Variants in ISOC1 observed in about 807,000 individuals in gnomAD.
The protein encoded by ISOC1 is isochorismatase domain-containing protein 1.
ISOC1 carries 33 observed loss-of-function variants against 30.0 expected under a neutral mutation model. The observed-to-expected ratio is 1.10, with a 90% confidence interval of 0.83 to 1.47. The LOEUF is 1.47. ISOC1 is among the 40% of genes most tolerant of loss of function. The probability of loss-of-function intolerance (pLI) is 0.00; values close to 1 mark genes in which losing one functional copy is unlikely to be tolerated. For missense variants in ISOC1, 372 were observed against 388.0 expected, an observed-to-expected ratio of 0.96 and a Z score of 0.35; for synonymous variants, 178 against 159.8, an observed-to-expected ratio of 1.11 and a Z score of -0.86.
chr5:129,112,815 C>T, intron 4 of ISOC1, 40 bp from the exon 5 acceptor site: 1 of 1,600,912 alleles, frequency 6.2e-7, no homozygotes, highest in Non-Finnish European at 8.5e-7. Context: ...TGTTCATTCT[C>T]ATGCTTATTT....
intron 1 of ISOC1, among the ~76,000 whole-genome samples, chr5:129,101,178 A>ATATATATATAT (rs1487163668): frequency 3.7e-5 from 4 of 108,190 alleles, no homozygotes; most frequent in African/African-American, 1.9e-4. Context: ...AAAAAAAAAA[A>ATATATATATAT]AAAAAAAAAA....
chr5:129,104,836 G>A (rs565337024), intron 1 of ISOC1, 120 bp from the exon 2 acceptor site: 22 of 878,940 alleles, frequency 2.5e-5, no homozygotes, highest in East Asian at 1.6e-4. Context: ...GGATAATAGC[G>A]GTAGAAATTG....
At chr5:129,096,076 T>C (rs1484984150) in intron 1 of ISOC1, among the ~76,000 whole-genome samples, 1 of 152,230 alleles carries the variant, frequency 6.6e-6, no homozygotes, top group Non-Finnish European at 1.5e-5. Context: ...TTTTAGTTTT[T>C]ATGGGCACAT....
At chr5:129,109,104 A>C (rs548254062) in intron 4 of ISOC1, among the ~76,000 whole-genome samples, 1 of 152,278 alleles carries the variant, frequency 6.6e-6, no homozygotes, top group South Asian at 2.1e-4. Flanking sequence ...TTAATGACAA[A>C]ATTTTGATTG....
chr5:129,108,670 C>T (rs1753667140), intron 4 of ISOC1, among the ~76,000 whole-genome samples: 1 of 152,098 alleles, frequency 6.6e-6, no homozygotes, highest in Admixed American at 6.6e-5. Flanking sequence ...TGCCACTGCA[C>T]CCGGCTAATT....
chr5:129,106,942 C>T lies in ISOC1; in HGVS notation c.634-4C>T. On this transcript the variant is annotated splice_polypyrimidine_tract_variant and splice_region_variant and intron_variant, in intron 3 of 4. Transcript: ENST00000173527. ...TACATATGATTCTTGTACTTTCCTACTAGACTCATGTGTGCATCCAACAAA... is the reference window on the plus strand; with the variant it reads ...TACATATGATTCTTGTACTTTCCTATTAGACTCATGTGTGCATCCAACAAA... 6.2e-7 allele frequency: 1 copy of T among 1,605,876 alleles called. No homozygotes were observed. The highest frequency in any genetic ancestry group is 8.5e-7 in the Non-Finnish European group (1 of 1,172,730).
intron 1 of ISOC1, among the ~76,000 whole-genome samples, chr5:129,098,423 A>G (rs1213627409): frequency 6.6e-6 from 1 of 152,260 alleles, no homozygotes; most frequent in Non-Finnish European, 1.5e-5. Flanking sequence ...GACACGGGAA[A>G]GAATATAAAT....
chr5:129,102,998 A>G (rs543570214), intron 1 of ISOC1, among the ~76,000 whole-genome samples: 1 of 152,138 alleles, frequency 6.6e-6, no homozygotes, highest in Admixed American at 6.5e-5. Flanking sequence ...CAGGAATTTT[A>G]TTTTTCAAAT....
chr5:129,095,941 A>G (rs1438056440), intron 1 of ISOC1, among the ~76,000 whole-genome samples: 1 of 152,224 alleles, frequency 6.6e-6, no homozygotes, highest in Non-Finnish European at 1.5e-5. Flanking sequence ...TAGGTAGTAC[A>G]CTGTCGATAT....
intron 1 of ISOC1, among the ~76,000 whole-genome samples, chr5:129,099,715 C>T (rs970464622): frequency 6.6e-6 from 1 of 152,080 alleles, no homozygotes. Context: ...TATTTATCCT[C>T]ATTAGAGGGT....
chr5:129,101,806 G>T (rs911003837), intron 1 of ISOC1, among the ~76,000 whole-genome samples: 1 of 152,058 alleles, frequency 6.6e-6, no homozygotes, highest in Non-Finnish European at 1.5e-5. Flanking sequence ...TTGTTGTCTT[G>T]TCTCCTTTGG....
At position 129,094,976 on chromosome 5, in the gene ISOC1, G is replaced by A; in HGVS notation, c.210G>A (p.Val70=). ...TCGACATGCACCGCAAATTCGTGGT[G>A]CAGCTGTTCGCCGAGGAGTGGGGCC... ...DQIDMHRKFV[V]QLFAEEWGQY... is the part of the protein sequence containing the mutation. The change falls in exon 1 of 5, where the codon GTG becomes GTA. Residue 70 remains valine (V), a synonymous_variant. Coordinates refer to ENST00000173527, the MANE Select transcript of ISOC1 (RefSeq NM_016048.2). The A allele has an allele frequency of 6.2e-7, 1 of 1,611,696 alleles. No homozygotes were observed.
chr5:129,108,770 C>T (rs1244412847), intron 4 of ISOC1, among the ~76,000 whole-genome samples: 1 of 152,156 alleles, frequency 6.6e-6, no homozygotes, highest in African/African-American at 2.4e-5. Flanking sequence ...CCTCGGCCTC[C>T]CAAGGTGCTG....
chr5:129,104,815 A>T, intron 1 of ISOC1, 141 bp from the exon 2 acceptor site: 2 of 700,366 alleles, frequency 2.9e-6, no homozygotes, highest in Non-Finnish European at 4.5e-6. Context: ...TGTAATTCAG[A>T]TACTTTTTTT....
Position 129,114,001 on chromosome 5 carries a change from T to C in ISOC1, c.*1000T>C, listed in dbSNP as rs1404742934. On this transcript the variant is annotated 3_prime_UTR_variant, in exon 5 of 5. Coordinates refer to ENST00000173527, the MANE Select transcript of ISOC1 (RefSeq NM_016048.2). ...AAATATGTGAAATGTGAAACTGCTG[T>C]CTTTTATATTAAAGTAATTAAAGAA... The C allele has an allele frequency of 1.3e-5, 2 of 152,214 alleles. No homozygotes were observed. The allele number at this position is 152,214 out of a possible 1,614,324, so 9.4% of individuals were successfully genotyped here.
In ISOC1 at chr5:129,113,091, G is replaced by C; in HGVS notation, c.*90G>C. The C allele has an allele frequency of 8.2e-7, 1 of 1,216,862 alleles. No homozygotes were observed. The allele number at this position is 1,216,862 out of a possible 1,614,324, so 75.4% of individuals were successfully genotyped here. A position where few individuals can be genotyped will look rare whatever the true frequency, so the allele number is the denominator to read the frequency against. ...ACACAAGCTCTTCTTATCTCTACTA[G>C]AATTAAAATGTTAAGTCAAAAACGG... On this transcript the variant is annotated 3_prime_UTR_variant, in exon 5 of 5. Transcript: ENST00000173527.
intron 1 of ISOC1, among the ~76,000 whole-genome samples, chr5:129,102,829 A>G (rs1039985101): frequency 6.6e-6 from 1 of 152,134 alleles, no homozygotes; most frequent in Non-Finnish European, 1.5e-5. Flanking sequence ...TGCTGTTTAT[A>G]GCCTTCTGTT....
At chr5:129,102,039 C>T (rs1753578081) in intron 1 of ISOC1, among the ~76,000 whole-genome samples, 1 of 152,142 alleles carries the variant, frequency 6.6e-6, no homozygotes, top group South Asian at 2.1e-4. Flanking sequence ...TCATTAATGA[C>T]ATTAATCTTG....
At chr5:129,099,514 G>C (rs1050607862) in intron 1 of ISOC1, among the ~76,000 whole-genome samples, 3 of 152,174 alleles carry the variant, frequency 2.0e-5, no homozygotes, top group African/African-American at 7.2e-5. Flanking sequence ...AAAAGTCCCT[G>C]ATCTGTTTTT....
Sources: gnomAD v4.1 joint callset for allele counts (sites outside exome capture counted in the v4.1 genomes callset) on GRCh38, gnomAD v4.1.1 for gene constraint, MANE v1.5 for transcripts, NCBI Gene and HGNC (gene_info 2026-07-23, HGNC 2026-07-21) for gene names.